ZBED6: variants seen among roughly 807,000 people sequenced by gnomAD.
ZBED6 encodes zinc finger BED domain-containing protein 6.
Under a neutral mutation model 58.4 loss-of-function variants are expected in ZBED6, and 40 were observed. The observed-to-expected ratio is 0.68, with a 90% CI of 0.53 to 0.89. The LOEUF (loss-of-function observed/expected upper bound fraction) is 0.89, where lower values mean the gene tolerates loss of function less well. Ranked by LOEUF, ZBED6 falls within the 40% of genes least tolerant of loss-of-function variation. The pLI is 0.00. For synonymous variants in ZBED6, 439 were observed against 350.6 expected (o/e 1.25, Z -2.82); for missense variants, 1,057 against 1,003.9 (o/e 1.05, Z -0.71).
At chr1:203,805,571 T>A in intron 1 of ZBED6, 1 of 610,994 alleles carries the variant, frequency 1.6e-6, no homozygotes. Context: ...AAGATCAGTA[T>A]TTCATAGTCC....
At position 203,850,497 on chromosome 1, in the gene ZBED6, A is replaced by G. The variant is rs1409011784; in HGVS notation, c.*4639-18A>G. 6.2e-7 allele frequency: 1 copy of G among 1,613,760 alleles called. No homozygotes were observed. Among genetic ancestry groups the G allele is most frequent in the African/African-American group, 1.3e-5 (1 of 74,902 alleles). The stretch of plus-strand genomic sequence containing the variant: ...AGTCTATTCTCACTGCTTATCAGAT[A>G]TTTTCTGCCCTTTGTAGCTAAACCC... On this transcript the variant is annotated intron_variant, in intron 14 of 16. Coordinates refer to ENST00000550078, the Ensembl canonical transcript of ZBED6.
intron 9 of ZBED6, chr1:203,835,855 T>C: frequency 4.1e-6 from 1 of 242,226 alleles, no homozygotes; most frequent in South Asian, 6.2e-5. Flanking sequence ...TCCCTTTTTT[T>C]CCGGAGACCC....
At chr1:203,837,967 C>T (rs760183077) in exon 10 of ZBED6, 24 of 1,611,738 alleles carry the variant, frequency 1.5e-5, no homozygotes, top group Non-Finnish European at 1.7e-5. Context: ...TCTTTATAGG[C>T]GGTGACAGTG....
chr1:203,797,609 A>T (rs1027891380), exon 1 of ZBED6: 5 of 1,535,546 alleles, frequency 3.3e-6, no homozygotes, highest in East Asian at 4.9e-5. Context: ...GGATTCTGGG[A>T]TGTGTTCCTA....
intron 1 of ZBED6, among the ~76,000 whole-genome samples, chr1:203,816,635 A>G (rs1252526461): frequency 6.6e-6 from 1 of 152,132 alleles, no homozygotes; most frequent in Non-Finnish European, 1.5e-5. Flanking sequence ...TGTCTCTAAA[A>G]AGAGTTAAAA....
chr1:203,814,100 G>C (rs952748353), intron 1 of ZBED6, among the ~76,000 whole-genome samples: 1 of 152,052 alleles, frequency 6.6e-6, no homozygotes, highest in East Asian at 1.9e-4. Context: ...GTAAGCAGCA[G>C]GAAAAGCCCA....
chr1:203,816,958 G>C, exon 2 of ZBED6: 1 of 612,138 alleles, frequency 1.6e-6, no homozygotes, highest in Non-Finnish European at 2.8e-6. Context: ...CTGTGATCAA[G>C]TTGTCATTTG....
At chr1:203,840,275 T>G (rs1406869007) in intron 10 of ZBED6, 31 bp from the exon 11 acceptor site, 1 of 1,608,476 alleles carries the variant, frequency 6.2e-7, no homozygotes, top group Non-Finnish European at 8.5e-7. Context: ...TCTGTTCAAC[T>G]TTTGATTTTT....
exon 17 of ZBED6, chr1:203,852,336 C>T (rs776806055): frequency 1.2e-6 from 2 of 1,613,652 alleles, no homozygotes; most frequent in African/African-American, 1.3e-5. Flanking sequence ...CTGAGATTGA[C>T]CTGGATCCTG....
chr1:203,807,862 G>A (rs74954151), intron 1 of ZBED6, among the ~76,000 whole-genome samples: 7,275 of 151,886 alleles, frequency 0.048, 617 homozygotes, highest in East Asian at 0.4. Context: ...CTGCCTCAGC[G>A]TCCCAAGTAG....
exon 1 of ZBED6, chr1:203,801,216 A>G (rs1243003035): frequency 6.6e-6 from 1 of 152,214 alleles, no homozygotes; most frequent in Admixed American, 6.5e-5. Context: ...TGGGAATTGT[A>G]ATGAGAGCCC....
chr1:203,832,496 G>C (rs1399235925), intron 8 of ZBED6, among the ~76,000 whole-genome samples: 1 of 152,000 alleles, frequency 6.6e-6, no homozygotes, highest in Non-Finnish European at 1.5e-5. Context: ...CAGTAGCTGG[G>C]ATTATAGGCA....
chr1:203,798,546 C>G, exon 1 of ZBED6: 1 of 1,536,120 alleles, frequency 6.5e-7, no homozygotes, highest in Non-Finnish European at 8.7e-7. Context: ...GAGAAGTGAT[C>G]TCTTGAGTGA....
intron 11 of ZBED6, among the ~76,000 whole-genome samples, chr1:203,846,972 T>C (rs1352396462): frequency 6.6e-6 from 1 of 150,684 alleles, no homozygotes; most frequent in African/African-American, 2.4e-5. Context: ...ACCACTGCAC[T>C]CCAGCCTGGG....
chr1:203,820,482 G>GTGTGTGTGTGTA (rs1266406820), intron 3 of ZBED6, among the ~76,000 whole-genome samples: 1 of 151,852 alleles, frequency 6.6e-6, no homozygotes, highest in East Asian at 1.9e-4. Context: ...GTGTGTGTGT[G>GTGTGTGTGTGTA]TATATTTTGA....
intron 3 of ZBED6, among the ~76,000 whole-genome samples, chr1:203,827,096 T>A (rs973316271): frequency 6.6e-6 from 1 of 152,216 alleles, no homozygotes; most frequent in African/African-American, 2.4e-5. Flanking sequence ...TCATTTCACA[T>A]CTGTGGCATT....
intron 9 of ZBED6, chr1:203,835,651 A>G: frequency 4.6e-6 from 1 of 217,298 alleles, no homozygotes. Flanking sequence ...TTGCTTTGGA[A>G]TTTGGCATGA....
At chr1:203,831,502 C>T (rs780944246) in intron 7 of ZBED6, among the ~76,000 whole-genome samples, 159 bp from the exon 8 acceptor site, 1 of 152,194 alleles carries the variant, frequency 6.6e-6, no homozygotes, top group Admixed American at 6.5e-5. Context: ...CACCACTACT[C>T]CATTTGACTG....
chr1:203,799,936 C>G lies in ZBED6; in HGVS notation c.2414C>G (p.Ser805Cys), dbSNP rs556382162. ...GAAGAGGTCTGTAATTATATGGAAT[C>G]TTCACCAGAGATCTGCCAAATTCCA... is the stretch of plus-strand genomic sequence containing the variant. The change falls in exon 1 of 17, where the codon TCT (serine) becomes TGT (cysteine). Residue 805 changes from serine to cysteine, a missense_variant. Ser to Cys is a moderately radical substitution (Grantham distance 112). Transcript: ENST00000550078. The G allele has an allele frequency of 5.9e-6, 9 of 1,536,124 alleles. No homozygotes were observed. The African/African-American group carries it at 1.2e-4, about 21-fold the overall frequency.
Sources: allele counts gnomAD v4.1 joint callset (sites outside exome capture counted in the v4.1 genomes callset), GRCh38; gene constraint gnomAD v4.1.1; transcripts MANE v1.5; gene names NCBI Gene and HGNC (gene_info 2026-07-23, HGNC 2026-07-21).